Variants in TUB observed in about 807,000 individuals in gnomAD.
TUB encodes the protein tubby protein homolog.
A neutral mutation model predicts 59.7 loss-of-function variants in TUB; 33 were observed. The observed-to-expected ratio is 0.55, with a 90% confidence interval of 0.42 to 0.74. The LOEUF is 0.74. Among genes scored for constraint, TUB ranks in the 30% least tolerant of loss-of-function variants. The pLI, the probability that TUB is intolerant of heterozygous loss-of-function variation, is 0.00. For synonymous variants in TUB, 293 were observed against 256.4 expected, an observed-to-expected ratio of 1.14 and a Z score of -1.36; for missense variants, 659 against 672.0, an observed-to-expected ratio of 0.98 and a Z score of 0.21.
At chr11:8,070,748 A>C (rs1206290559) in intron 2 of TUB, among the ~76,000 whole-genome samples, 1 of 152,216 alleles carries the variant, frequency 6.6e-6, no homozygotes, top group African/African-American at 2.4e-5. Context: ...CAGACCCAAA[A>C]GTCTGCAAAG....
intron 2 of TUB, among the ~76,000 whole-genome samples, chr11:8,074,467 A>G (rs116363995): frequency 0.018 from 2,700 of 152,244 alleles, 78 homozygotes; most frequent in African/African-American, 0.061. Context: ...GCTGGGTGCG[A>G]TGGCTCACAC....
At chr11:8,036,276 C>A (rs973235342), upstream of TUB, among the ~76,000 whole-genome samples, 1 of 152,168 alleles carries the variant, frequency 6.6e-6, no homozygotes, top group African/African-American at 2.4e-5. Context: ...AATCTCCCTT[C>A]TGAGCCCCTA....
chr11:8,097,639 C>A, intron 7 of TUB, 75 bp from the exon 8 acceptor site: 1 of 1,383,204 alleles, frequency 7.2e-7, no homozygotes, highest in Non-Finnish European at 1.0e-6. Flanking sequence ...CGGAGAGAGT[C>A]TGTGTGAGTG....
chr11:8,058,782 G>A (rs1010295981), intron 2 of TUB, among the ~76,000 whole-genome samples: 25 of 152,214 alleles, frequency 1.6e-4, no homozygotes, highest in African/African-American at 5.1e-4. Context: ...CATTGCAACC[G>A]TAGGTTGGCT....
chr11:8,100,390 C>T (rs1279580718), intron 9 of TUB, 113 bp from the exon 10 acceptor site: 19 of 820,584 alleles, frequency 2.3e-5, no homozygotes, highest in South Asian at 4.5e-5. Context: ...GTGTGTTAGA[C>T]TTCGGAGTGG....
rs181097726 is a variant in TUB, at chr11:8,088,232, G to C, written c.39-1378G>C. Among the ~76,000 whole-genome samples, 16 of 152,320 alleles carry C rather than the reference G, an allele frequency of 1.1e-4. No individual in the cohort carries two copies. In the East Asian group the frequency reaches 2.9e-3, roughly 28 times the overall value. On this transcript the variant is annotated intron_variant, in intron 1 of 11. Transcript: ENST00000299506. The stretch of plus-strand genomic sequence containing the variant: ...TTAAAAAACATGCATAGTCCTCATA[G>C]ATCGTGGCCAAGGTGGTGGGCAGTC...
intron 1 of TUB, among the ~76,000 whole-genome samples, chr11:8,088,881 T>C (rs1270567267): frequency 6.6e-6 from 1 of 152,202 alleles, no homozygotes; most frequent in Admixed American, 6.5e-5. Context: ...GGGCTGCCTG[T>C]GCCATGTCTG....
At chr11:8,074,248 C>T (rs1377631206) in intron 2 of TUB, among the ~76,000 whole-genome samples, 1 of 151,970 alleles carries the variant, frequency 6.6e-6, no homozygotes, top group Admixed American at 6.6e-5. Context: ...GGTTCAAACA[C>T]CTGGAAGAAG....
Position 8,095,665 on chromosome 11 carries a change from G to A in TUB, c.565G>A (p.Gly189Ser), listed in dbSNP as rs1363591941. Residue 189 changes from glycine (G) to serine (S), a missense_variant and splice_region_variant, in exon 5 of 12, where the codon GGC (glycine) becomes AGC (serine). Transcript: ENST00000299506. ...QDLRATMQRK[G>S]ISSSMSFDED... ...TCTCCGTGCCACGATGCAGAGGAAG[G>A]GTGAGCCCCATGGGGACCCAGTGAT... 1 of 1,595,478 alleles carries A rather than the reference G, an allele frequency of 6.3e-7. No homozygotes were observed. The highest frequency in any genetic ancestry group is 1.1e-5 in the South Asian group (1 of 88,490).
At chr11:8,078,881 A>G (rs989609713), upstream of TUB, among the ~76,000 whole-genome samples, 25 of 151,922 alleles carry the variant, frequency 1.6e-4, no homozygotes, top group Middle Eastern at 3.2e-3. Context: ...ACTCATATTC[A>G]TGCGTACACT....
At chr11:8,074,465 C>T (rs945780602) in intron 2 of TUB, among the ~76,000 whole-genome samples, 19 of 152,092 alleles carry the variant, frequency 1.2e-4, no homozygotes, top group South Asian at 2.1e-4. Context: ...AGGCTGGGTG[C>T]GATGGCTCAC....
At chr11:8,051,816 T>C (rs1277760587) in intron 2 of TUB, among the ~76,000 whole-genome samples, 2 of 152,256 alleles carry the variant, frequency 1.3e-5, no homozygotes, top group East Asian at 1.9e-4. Context: ...GTTTTCTTTT[T>C]TGTAATAAAC....
rs186955565 is a variant in TUB, at chr11:8,106,204, C to T, written c.*4585C>T. The T allele has an allele frequency of 5.3e-5, 8 of 152,174 alleles. No individual in the cohort carries two copies. Among genetic ancestry groups the T allele is most frequent in the African/African-American group, 1.7e-4 (7 of 41,556 alleles). 9.4% of individuals were successfully genotyped at this position (152,174 alleles called of 1,614,324 possible). A position where few individuals can be genotyped will look rare whatever the true frequency, so the allele number is the denominator to read the frequency against. ...GTAGAATTTAGTGTTTGTCTAAGTACACACATATATCAACAAATTAAACTT... is the reference window on the plus strand; with the variant it reads ...GTAGAATTTAGTGTTTGTCTAAGTATACACATATATCAACAAATTAAACTT... On this transcript the variant is annotated 3_prime_UTR_variant, in exon 12 of 12. Transcript: ENST00000299506.
intron 1 of TUB, among the ~76,000 whole-genome samples, chr11:8,085,969 G>A (rs2133824074): frequency 6.6e-6 from 1 of 152,302 alleles, no homozygotes; most frequent in East Asian, 1.9e-4. Flanking sequence ...AGGTGAAGCT[G>A]CCACCTCGTT....
intron 2 of TUB, among the ~76,000 whole-genome samples, chr11:8,057,880 A>C (rs373345641): frequency 7.9e-5 from 12 of 152,216 alleles, no homozygotes; most frequent in East Asian, 1.9e-4. Flanking sequence ...GTCAGCTTTT[A>C]ATATTTGACT....
chr11:8,095,496 A>G lies in TUB; in HGVS notation c.398-2A>G, dbSNP rs1270672676. On this transcript the variant is annotated splice_acceptor_variant, in intron 4 of 11. Coordinates refer to ENST00000299506, the MANE Select transcript of TUB (RefSeq NM_177972.3). LOFTEE classifies it high-confidence loss of function. ...TAACTCAGGCGTGTCCGTGGCCTGCAGGCACCAGCGGGCCAGCAGCACTGG... is the reference window on the plus strand; with the variant it reads ...TAACTCAGGCGTGTCCGTGGCCTGCGGGCACCAGCGGGCCAGCAGCACTGG... 2 of 1,606,660 alleles carry G rather than the reference A, an allele frequency of 1.2e-6. No individual in the cohort carries two copies. The highest frequency in any genetic ancestry group is 1.7e-6 in the Non-Finnish European group (2 of 1,175,528).
intron 1 of TUB, among the ~76,000 whole-genome samples, chr11:8,029,075 T>C (rs1052257969): frequency 6.6e-6 from 1 of 152,146 alleles, no homozygotes; most frequent in Non-Finnish European, 1.5e-5. Context: ...TATGGGTTTA[T>C]TTCTGGACTC....
At chr11:8,087,699 C>A (rs1433514867) in intron 1 of TUB, among the ~76,000 whole-genome samples, 1 of 152,246 alleles carries the variant, frequency 6.6e-6, no homozygotes, top group Non-Finnish European at 1.5e-5. Flanking sequence ...CGGGTCTGAC[C>A]CTTTCAAGTC....
chr11:8,067,053 C>G (rs36113068), intron 2 of TUB, among the ~76,000 whole-genome samples: 20,587 of 152,188 alleles, frequency 0.14, 1,739 homozygotes, highest in African/African-American at 0.24. Flanking sequence ...CAGCTCCACT[C>G]CCGGCTCCTG....
Sources: gnomAD v4.1 joint callset for allele counts (sites outside exome capture counted in the v4.1 genomes callset) on GRCh38, gnomAD v4.1.1 for gene constraint, MANE v1.5 for transcripts, NCBI Gene and HGNC (gene_info 2026-07-23, HGNC 2026-07-21) for gene names.